Variants in ADAM32 observed in about 807,000 individuals in gnomAD.
ADAM32 encodes disintegrin and metalloproteinase domain-containing protein 32.
Under a neutral mutation model 114.9 loss-of-function variants are expected in ADAM32, and 89 were observed. The observed-to-expected ratio is 0.77, with a 90% CI of 0.65 to 0.92. The LOEUF (loss-of-function observed/expected upper bound fraction) is 0.92. Ranked by LOEUF, ADAM32 falls within the 40% of genes least tolerant of loss-of-function variation. The pLI is 0.00. For missense variants in ADAM32, 870 were observed against 932.8 expected (o/e 0.93, Z 0.88); for synonymous variants, 285 against 307.5 (o/e 0.93, Z 0.77).
At position 39,123,315 on chromosome 8, in the gene ADAM32, G is replaced by A. The variant is rs564197094; in HGVS notation, c.138+5150G>A. Among the ~76,000 whole-genome samples the A allele has an allele frequency of 5.9e-5, 9 of 152,184 alleles. No homozygotes were observed. In the East Asian group the frequency reaches 7.7e-4, roughly 13 times the overall value. ...TTCATTATTCATCTTTTCCAAAATT[G>A]CTTTGACTATTCTAAGTCCTTTTTA... On this transcript the variant is annotated intron_variant, in intron 2 of 24. Transcript: ENST00000379907.
In ADAM32 at chr8:39,233,913, G is replaced by T. The variant is rs1486618832; in HGVS notation, c.1649G>T (p.Gly550Val). 1 of 1,533,114 alleles carries T rather than the reference G, an allele frequency of 6.5e-7. No homozygotes were observed. Among genetic ancestry groups the T allele is most frequent in the Non-Finnish European group, 8.8e-7 (1 of 1,141,072 alleles). The allele number at this position is 1,533,114 out of a possible 1,614,324, so 95.0% of individuals were successfully genotyped here. ...TATGTTTTCAGGAATCTTATATGTG[G>T]AAGATTAGTTTGTACCTACCCTACT... ...VFCGWRNLIC[G>V]RLVCTYPTRK... is the part of the protein sequence containing the mutation. The change falls in exon 16 of 25, where the codon GGA becomes GTA. Residue 550 changes from glycine (G) to valine (V), a missense_variant. Physicochemically the swap from Gly to Val is moderately radical, Grantham distance 109. Transcript: ENST00000379907.
intron 22 of ADAM32, among the ~76,000 whole-genome samples, chr8:39,277,486 T>G (rs1184053186): frequency 6.6e-6 from 1 of 152,232 alleles, no homozygotes; most frequent in East Asian, 1.9e-4. Flanking sequence ...ATGGAATGAA[T>G]TCCAGTGAAG....
At chr8:39,140,624 T>A (rs192861675) in intron 3 of ADAM32, among the ~76,000 whole-genome samples, 61 of 152,268 alleles carry the variant, frequency 4.0e-4, no homozygotes, top group Admixed American at 3.3e-3. Flanking sequence ...CTTTTTTGTG[T>A]GTGTCTCTAC....
At chr8:39,173,969 CG>C (rs1309158131) in intron 10 of ADAM32, among the ~76,000 whole-genome samples, 3 of 152,094 alleles carry the variant, frequency 2.0e-5, no homozygotes, top group African/African-American at 7.2e-5. Context: ...GGATTACAGA[CG>C]TGCACTGCCA....
rs552774892 is a variant in ADAM32, at chr8:39,165,462, G to A, written c.833+266G>A. On this transcript the variant is annotated intron_variant, in intron 9 of 24. Coordinates refer to ENST00000379907, the MANE Select transcript of ADAM32 (RefSeq NM_145004.7). ...CATCTCAGGACTCTTGGATCTGGTG[G>A]TACTACTAGGTTTGAACCCACAGTT... 7 of 253,478 alleles carry A rather than the reference G, an allele frequency of 2.8e-5. No homozygotes were observed. In the South Asian group the frequency reaches 7.9e-4, roughly 29 times the overall value. The allele number at this position is 253,478 out of a possible 1,614,324, so 15.7% of individuals were successfully genotyped here. A position where few individuals can be genotyped will look rare whatever the true frequency, so the allele number is the denominator to read the frequency against.
chr8:39,146,032 G>A (rs889324470), intron 3 of ADAM32, among the ~76,000 whole-genome samples: 1 of 152,054 alleles, frequency 6.6e-6, no homozygotes, highest in South Asian at 2.1e-4. Flanking sequence ...CCGCCTGGCT[G>A]CTTCAGAGTA....
At chr8:39,223,764 A>G (rs4404879) in intron 14 of ADAM32, 145,935 of 152,216 alleles carry the variant, frequency 0.96, 70,293 homozygotes, top group East Asian at 1. Context: ...TTGCATAACT[A>G]AAATTTTGTA....
chr8:39,189,411 C>T (rs909251192), intron 11 of ADAM32, among the ~76,000 whole-genome samples: 4 of 152,012 alleles, frequency 2.6e-5, no homozygotes, highest in South Asian at 2.1e-4. Flanking sequence ...TATACTTAAG[C>T]GCTCCTTCCA....
At chr8:39,255,242 C>T (rs774319403) in intron 18 of ADAM32, among the ~76,000 whole-genome samples, 9 of 151,856 alleles carry the variant, frequency 5.9e-5, no homozygotes, top group Non-Finnish European at 8.8e-5. Flanking sequence ...GGGTAGATTT[C>T]CAATAGTGGG....
Position 39,160,965 on chromosome 8 carries a change from G to A in ADAM32, c.594G>A (p.Leu198=), listed in dbSNP as rs769256281. ...LEMHIVVDKT[L]YDYWGSDSMI... is the part of the protein sequence containing the mutation. ...TGCATATTGTGGTGGACAAAACTTT[G>A]GTATGTGTTTTGCTTTTTCTTTGCT... is the stretch of plus-strand genomic sequence containing the variant. The change falls in exon 7 of 25, where the codon TTG becomes TTA. Residue 198 remains leucine, a splice_region_variant and synonymous_variant. Transcript: ENST00000379907. 3.8e-6 allele frequency: 6 copies of A among 1,583,332 alleles called. No homozygotes were observed. Among genetic ancestry groups the A allele is most frequent in the Middle Eastern group, 1.7e-4 (1 of 6,016 alleles).
chr8:39,164,106 C>T (rs1804684231), intron 7 of ADAM32, among the ~76,000 whole-genome samples: 1 of 152,208 alleles, frequency 6.6e-6, no homozygotes, highest in Non-Finnish European at 1.5e-5. Flanking sequence ...ACCATCACCA[C>T]AGCACTCTCC....
chr8:39,218,817 C>G (rs1362202962), intron 12 of ADAM32, among the ~76,000 whole-genome samples: 2 of 152,064 alleles, frequency 1.3e-5, no homozygotes, highest in Admixed American at 1.3e-4. Flanking sequence ...AGAGAAAAGT[C>G]CTGGAATAAG....
At chr8:39,204,624 A>G (rs1395406126) in intron 11 of ADAM32, among the ~76,000 whole-genome samples, 3 of 152,142 alleles carry the variant, frequency 2.0e-5, no homozygotes, top group Non-Finnish European at 4.4e-5. Flanking sequence ...GCCTTCTCTC[A>G]ACTCATCAAA....
chr8:39,137,415 G>C (rs1802865063), intron 3 of ADAM32, among the ~76,000 whole-genome samples: 1 of 152,154 alleles, frequency 6.6e-6, no homozygotes, highest in South Asian at 2.1e-4. Context: ...TGAAGAAAGA[G>C]AAAACAAAGT....
At position 39,165,077 on chromosome 8, in the gene ADAM32, A is replaced by G. The variant is rs1804743899; in HGVS notation, c.714A>G (p.Leu238=). 1 of 1,609,590 alleles carries G rather than the reference A, an allele frequency of 6.2e-7. No individual in the cohort carries two copies. The highest frequency in any genetic ancestry group is 8.5e-7 in the Non-Finnish European group (1 of 1,177,918). Residue 238 remains leucine, a synonymous_variant, in exon 9 of 25, where the codon TTA becomes TTG. Coordinates refer to ENST00000379907, the MANE Select transcript of ADAM32 (RefSeq NM_145004.7). ...KVTIVLSSLE[L]WSDENKISTV... ...CTATTGTGCTGTCATCATTGGAGTT[A>G]TGGTCAGATGAAAATAAGATTTCTA...
chr8:39,139,033 T>C (rs1402660103), intron 3 of ADAM32, among the ~76,000 whole-genome samples: 1 of 152,266 alleles, frequency 6.6e-6, no homozygotes, highest in African/African-American at 2.4e-5. Flanking sequence ...TTGCTTTTTT[T>C]CTTTTAAATT....
chr8:39,233,491 G>A (rs1431409802), intron 15 of ADAM32, among the ~76,000 whole-genome samples: 6 of 152,116 alleles, frequency 3.9e-5, no homozygotes, highest in African/African-American at 2.4e-5. Flanking sequence ...CACTTTCATC[G>A]CCATCTTGGT....
intron 3 of ADAM32, among the ~76,000 whole-genome samples, chr8:39,144,900 G>T (rs989091145): frequency 6.6e-6 from 1 of 152,134 alleles, no homozygotes; most frequent in Non-Finnish European, 1.5e-5. Flanking sequence ...GATCTTATAT[G>T]TAGATTACTT....
chr8:39,195,200 G>A (rs1213154528), intron 11 of ADAM32, among the ~76,000 whole-genome samples: 1 of 152,072 alleles, frequency 6.6e-6, no homozygotes, highest in Admixed American at 6.6e-5. Context: ...TCTTCCTAAT[G>A]TCCCAGTCCC....
Sources: allele counts gnomAD v4.1 joint callset (sites outside exome capture counted in the v4.1 genomes callset), GRCh38; gene constraint gnomAD v4.1.1; transcripts MANE v1.5; gene names NCBI Gene and HGNC (gene_info 2026-07-23, HGNC 2026-07-21).